GPR158: variants seen among roughly 807,000 people sequenced by gnomAD.
The protein encoded by GPR158 is metabotropic glycine receptor.
GPR158 carries 30 observed loss-of-function variants against 78.2 expected under a neutral mutation model. That is an observed-to-expected ratio of 0.38 (90% CI 0.29 to 0.52). The LOEUF is 0.52. Ranked by LOEUF, GPR158 falls within the 20% of genes least tolerant of loss-of-function variation. GPR158 has a pLI of 0.83. For missense variants in GPR158, 1,463 were observed against 1,523.5 expected, an observed-to-expected ratio of 0.96 and a Z score of 0.66; for synonymous variants, 581 against 591.1, an observed-to-expected ratio of 0.98 and a Z score of 0.25.
In GPR158 at chr10:25,178,782, A is replaced by G. The variant is rs562283453; in HGVS notation, c.902+2460A>G. On this transcript the variant is annotated intron_variant, in intron 1 of 10. Coordinates refer to ENST00000376351, the MANE Select transcript of GPR158 (RefSeq NM_020752.3). ...AGTAGAAACCAGAAGAAAATCTTAC[A>G]GGCATCAGATAGTTCCACTTGTTGT... Among the ~76,000 whole-genome samples, 3 of 152,350 alleles carry G rather than the reference A, an allele frequency of 2.0e-5. No homozygotes were observed. The East Asian group carries it at 5.8e-4, about 29-fold the overall frequency.
chr10:25,416,004 T>C (rs1469891198), intron 4 of GPR158, among the ~76,000 whole-genome samples: 4 of 152,178 alleles, frequency 2.6e-5, no homozygotes, highest in African/African-American at 4.8e-5. Flanking sequence ...AAAGTATGTG[T>C]ATTATATCTC....
intron 1 of GPR158, among the ~76,000 whole-genome samples, chr10:25,200,863 G>GTTTTTT (rs1209435056): frequency 9.5e-5 from 8 of 84,492 alleles, no homozygotes; most frequent in South Asian, 4.5e-4. Context: ...TCTGTTTTTT[G>GTTTTTT]TTTTGTTTTT....
At chr10:25,576,771 C>CTAAT (rs768697648) in intron 7 of GPR158, among the ~76,000 whole-genome samples, 2 of 152,042 alleles carry the variant, frequency 1.3e-5, no homozygotes, top group Non-Finnish European at 2.9e-5. Context: ...AGAAATTAAA[C>CTAAT]TAATACCCCT....
intron 1 of GPR158, among the ~76,000 whole-genome samples, chr10:25,195,503 G>A (rs933690986): frequency 5.9e-5 from 9 of 152,074 alleles, no homozygotes; most frequent in South Asian, 2.1e-4. Flanking sequence ...ACCACACCCC[G>A]CCAGCCCAAC....
At position 25,194,012 on chromosome 10, in the gene GPR158, G is replaced by C. The variant is rs181065199; in HGVS notation, c.902+17690G>C. The stretch of plus-strand genomic sequence containing the variant: ...CACACATAGCAGTAGCAGGATAAGG[G>C]AAGAGGCACATTGGGTCAATTCATG... On this transcript the variant is annotated intron_variant, in intron 1 of 10. Coordinates refer to ENST00000376351, the MANE Select transcript of GPR158 (RefSeq NM_020752.3). Among the ~76,000 whole-genome samples the C allele has an allele frequency of 1.8e-3, 271 of 152,308 alleles. 1 individual carries two copies. Among genetic ancestry groups the C allele is most frequent in the African/African-American group, 6.1e-3 (255 of 41,560 alleles).
intron 2 of GPR158, among the ~76,000 whole-genome samples, chr10:25,300,189 T>C (rs1182398921): frequency 6.6e-6 from 1 of 152,246 alleles, no homozygotes; most frequent in Non-Finnish European, 1.5e-5. Flanking sequence ...AATCAAGGTG[T>C]CAGCAGGGCT....
At chr10:25,205,140 TG>T (rs1853004900) in intron 1 of GPR158, among the ~76,000 whole-genome samples, 1 of 152,136 alleles carries the variant, frequency 6.6e-6, no homozygotes, top group Non-Finnish European at 1.5e-5. Context: ...TCCCCAGCCA[TG>T]TGGAACTGTG....
At chr10:25,234,408 G>A (rs992852146) in intron 2 of GPR158, among the ~76,000 whole-genome samples, 1 of 152,096 alleles carries the variant, frequency 6.6e-6, no homozygotes, top group Non-Finnish European at 1.5e-5. Flanking sequence ...AGTTTGATAC[G>A]TATTTCTAAC....
chr10:25,396,900 T>G (rs1834368898), intron 3 of GPR158, among the ~76,000 whole-genome samples: 1 of 152,146 alleles, frequency 6.6e-6, no homozygotes, highest in South Asian at 2.1e-4. Context: ...TTCCTTGCAT[T>G]TGTAGGCCTG....
At chr10:25,208,649 G>A (rs1178823142) in intron 1 of GPR158, among the ~76,000 whole-genome samples, 2 of 151,432 alleles carry the variant, frequency 1.3e-5, no homozygotes, top group Non-Finnish European at 2.9e-5. Flanking sequence ...CACTGGAACT[G>A]TGTCACATTG....
chr10:25,314,742 A>G (rs1018996303), intron 2 of GPR158, among the ~76,000 whole-genome samples: 3 of 149,862 alleles, frequency 2.0e-5, no homozygotes, highest in African/African-American at 4.9e-5. Flanking sequence ...TTTTCCTAAA[A>G]CTATCAAGTT....
At chr10:25,189,441 G>C (rs1588725707) in intron 1 of GPR158, among the ~76,000 whole-genome samples, 1 of 152,130 alleles carries the variant, frequency 6.6e-6, no homozygotes, top group South Asian at 2.1e-4. Flanking sequence ...ATACACCATG[G>C]AATACTATGC....
intron 4 of GPR158, among the ~76,000 whole-genome samples, chr10:25,433,694 CTT>C (rs3082190): frequency 4.6e-5 from 5 of 109,828 alleles, no homozygotes; most frequent in East Asian, 2.4e-4. Context: ...TTCTTTCTTT[CTT>C]TTTTTTTTTT....
At chr10:25,411,888 C>T (rs905553063) in intron 3 of GPR158, among the ~76,000 whole-genome samples, 10 of 124,472 alleles carry the variant, frequency 8.0e-5, no homozygotes, top group Non-Finnish European at 1.4e-4. Context: ...GAGCAGAGAT[C>T]GCGCCACTGC....
rs141337212 is a variant in GPR158, at chr10:25,200,615, C to G, written c.903-20437C>G. ...GAATGATATTTCCTGGGTCATCTTC[C>G]AGGGTTTTTATAGTCTTAGGTTTTA... is the stretch of plus-strand genomic sequence containing the variant. On this transcript the variant is annotated intron_variant, in intron 1 of 10. Coordinates refer to ENST00000376351, the MANE Select transcript of GPR158 (RefSeq NM_020752.3). Among the ~76,000 whole-genome samples the G allele has an allele frequency of 4.1e-4, 63 of 152,088 alleles. 1 individual carries two copies. Among genetic ancestry groups the G allele is most frequent in the African/African-American group, 1.5e-3 (61 of 41,538 alleles).
At chr10:25,488,195 TTA>T (rs1835758745) in intron 5 of GPR158, among the ~76,000 whole-genome samples, 1 of 152,092 alleles carries the variant, frequency 6.6e-6, no homozygotes. Flanking sequence ...CATTGCATCT[TTA>T]TCCATTGAAG....
chr10:25,557,874 A>G (rs758790717), intron 6 of GPR158, among the ~76,000 whole-genome samples: 2 of 152,204 alleles, frequency 1.3e-5, no homozygotes, highest in Non-Finnish European at 2.9e-5. Flanking sequence ...CACATTAACT[A>G]TTGGATATGA....
chr10:25,233,814 A>T (rs1000844436), intron 2 of GPR158, among the ~76,000 whole-genome samples: 8 of 152,354 alleles, frequency 5.3e-5, no homozygotes, highest in Admixed American at 1.3e-4. Context: ...AAACAGATTA[A>T]ATGCAGAAAG....
intron 2 of GPR158, among the ~76,000 whole-genome samples, chr10:25,287,107 C>T (rs1854361748): frequency 6.6e-6 from 1 of 152,100 alleles, no homozygotes; most frequent in Non-Finnish European, 1.5e-5. Flanking sequence ...TTATGAGTTT[C>T]TCAGTGCTCC....
Sources: allele counts gnomAD v4.1 joint callset (sites outside exome capture counted in the v4.1 genomes callset), GRCh38; gene constraint gnomAD v4.1.1; transcripts MANE v1.5; gene names NCBI Gene and HGNC (gene_info 2026-07-23, HGNC 2026-07-21).